ZPBP: variants seen among roughly 807,000 people sequenced by gnomAD.
ZPBP encodes zona pellucida-binding protein 1.
In ZPBP, 26 loss-of-function variants were observed where a neutral mutation model predicts 44.8. The observed-to-expected ratio is 0.58, with a 90% confidence interval of 0.43 to 0.81. ZPBP has a LOEUF of 0.81. ZPBP is among the 30% of genes least tolerant of loss of function. The pLI is 0.00. For missense variants in ZPBP, 409 were observed against 434.0 expected, an observed-to-expected ratio of 0.94 and a Z score of 0.51; for synonymous variants, 174 against 153.2, an observed-to-expected ratio of 1.14 and a Z score of -1.00.
At chr7:50,002,731 T>G (rs985878082) in intron 6 of ZPBP, among the ~76,000 whole-genome samples, 2 of 152,170 alleles carry the variant, frequency 1.3e-5, no homozygotes, top group African/African-American at 4.8e-5. Context: ...TAATTAGATC[T>G]AGCCTAAACA....
intron 2 of ZPBP, among the ~76,000 whole-genome samples, chr7:49,855,477 G>C (rs79368066): frequency 6.6e-6 from 1 of 152,144 alleles, no homozygotes; most frequent in Non-Finnish European, 1.5e-5. Context: ...GAAGGTTTGG[G>C]TATTTCCCAG....
chr7:50,084,642 A>G (rs182710111), intron 2 of ZPBP, among the ~76,000 whole-genome samples: 41 of 152,108 alleles, frequency 2.7e-4, no homozygotes, highest in Admixed American at 2.5e-3. Flanking sequence ...AACCAATGAA[A>G]TATCATATAA....
chr7:50,084,376 A>G (rs1408531454), intron 2 of ZPBP, among the ~76,000 whole-genome samples: 1 of 151,738 alleles, frequency 6.6e-6, no homozygotes, highest in Non-Finnish European at 1.5e-5. Flanking sequence ...ACAAAATGGT[A>G]TTTATTACAT....
At chr7:50,019,757 C>T (rs1799001281) in intron 5 of ZPBP, among the ~76,000 whole-genome samples, 1 of 151,972 alleles carries the variant, frequency 6.6e-6, no homozygotes, top group Admixed American at 6.6e-5. Flanking sequence ...TTATGAGGTA[C>T]TATACAATAT....
intron 5 of ZPBP, among the ~76,000 whole-genome samples, chr7:50,025,647 T>C (rs1391025591): frequency 6.6e-6 from 1 of 151,850 alleles, no homozygotes; most frequent in African/African-American, 2.4e-5. Flanking sequence ...ACAGACATCT[T>C]TGTAAAATAC....
intron 6 of ZPBP, among the ~76,000 whole-genome samples, chr7:50,012,314 C>T (rs1798624816): frequency 6.6e-6 from 1 of 151,974 alleles, no homozygotes; most frequent in Non-Finnish European, 1.5e-5. Flanking sequence ...AACCTACCCA[C>T]AAAGAATACT....
At chr7:49,869,792 A>C (rs1208108204) in intron 2 of ZPBP, among the ~76,000 whole-genome samples, 2 of 152,120 alleles carry the variant, frequency 1.3e-5, no homozygotes, top group African/African-American at 4.8e-5. Flanking sequence ...ACGGCCACAA[A>C]CTACATTTAT....
At chr7:49,891,914 T>G (rs946031483) in intron 2 of ZPBP, among the ~76,000 whole-genome samples, 1 of 151,460 alleles carries the variant, frequency 6.6e-6, no homozygotes, top group African/African-American at 2.4e-5. Context: ...GAGTAGAAAG[T>G]AAATGTCTAT....
intron 7 of ZPBP, among the ~76,000 whole-genome samples, chr7:49,952,455 G>A (rs746292230): frequency 9.5e-4 from 145 of 151,988 alleles, no homozygotes; most frequent in Non-Finnish European, 1.8e-3. Context: ...GCACTACAGA[G>A]TCAAACTGCT....
At chr7:49,864,583 C>T in intron 2 of ZPBP, among the ~76,000 whole-genome samples, 1 of 152,190 alleles carries the variant, frequency 6.6e-6, no homozygotes, top group East Asian at 1.9e-4. Flanking sequence ...TAGTTGGCTG[C>T]AGGTTGTTGT....
chr7:49,903,209 A>G (rs1792873479), intron 1 of ZPBP, among the ~76,000 whole-genome samples: 1 of 152,246 alleles, frequency 6.6e-6, no homozygotes, highest in African/African-American at 2.4e-5. Context: ...ATAAAACTAA[A>G]TACTCAGCTA....
chr7:49,903,787 A>C (rs1178142944), intron 1 of ZPBP, among the ~76,000 whole-genome samples: 2 of 152,198 alleles, frequency 1.3e-5, no homozygotes, highest in African/African-American at 4.8e-5. Context: ...GACACACACA[A>C]AGAGTTTGGG....
chr7:50,025,420 T>C (rs190208284), intron 5 of ZPBP, among the ~76,000 whole-genome samples: 37 of 151,990 alleles, frequency 2.4e-4, no homozygotes, highest in Admixed American at 2.3e-3. Flanking sequence ...AGTATAGTAC[T>C]GATGAAAGAA....
chr7:50,090,645 A>G (rs1441684265), intron 1 of ZPBP, among the ~76,000 whole-genome samples: 2 of 149,166 alleles, frequency 1.3e-5, no homozygotes, highest in Admixed American at 1.3e-4. Context: ...ACACACACAC[A>G]TGCACACACA....
chr7:49,868,435 G>C lies in ZPBP; in HGVS notation n.510-17921C>G, dbSNP rs574915435. On this transcript the variant is annotated intron_variant and non_coding_transcript_variant, in intron 2 of 2. Coordinates refer to the ZPBP transcript ENST00000465922. ...TGAGATGAAGCACATCTAATTCAGA[G>C]CCACCATGTCTACCTGGGGAGTATA... 1.1e-4 allele frequency among the ~76,000 whole-genome samples: 16 copies of C among 152,220 alleles called. 1 individual carries two copies. The South Asian group carries it at 3.3e-3, about 32-fold the overall frequency.
At chr7:50,019,195 C>A (rs1017199637) in intron 5 of ZPBP, among the ~76,000 whole-genome samples, 2 of 152,042 alleles carry the variant, frequency 1.3e-5, no homozygotes, top group African/African-American at 2.4e-5. Flanking sequence ...TTTACCCCAG[C>A]AATGAAAATC....
At chr7:49,954,149 G>A (rs1795470243) in intron 7 of ZPBP, among the ~76,000 whole-genome samples, 1 of 152,042 alleles carries the variant, frequency 6.6e-6, no homozygotes, top group Non-Finnish European at 1.5e-5. Flanking sequence ...ATATATCCAT[G>A]ACCAGCTCAT....
chr7:50,037,092 T>C (rs542446226), intron 4 of ZPBP, among the ~76,000 whole-genome samples: 1 of 152,220 alleles, frequency 6.6e-6, no homozygotes, highest in African/African-American at 2.4e-5. Flanking sequence ...CTAGGAGAAA[T>C]TAAATTTTTA....
intron 3 of ZPBP, among the ~76,000 whole-genome samples, chr7:50,061,578 G>A (rs1448952865): frequency 1.3e-5 from 2 of 152,106 alleles, no homozygotes; most frequent in Admixed American, 1.3e-4. Context: ...GTGCATGCCT[G>A]TAATCCCAGC....
Sources: gnomAD v4.1 joint callset for allele counts (sites outside exome capture counted in the v4.1 genomes callset) on GRCh38, gnomAD v4.1.1 for gene constraint, MANE v1.5 for transcripts, NCBI Gene and HGNC (gene_info 2026-07-23, HGNC 2026-07-21) for gene names.